Variants in ZBTB16 observed in about 807,000 individuals in gnomAD.
ZBTB16 encodes zinc finger and BTB domain-containing protein 16.
A neutral mutation model predicts 56.8 loss-of-function variants in ZBTB16; 8 were observed. The observed-to-expected ratio is 0.14, with a 90% confidence interval of 0.08 to 0.25. The LOEUF is 0.25. Among genes scored for constraint, ZBTB16 ranks in the 10% least tolerant of loss-of-function variants. The pLI is 1.00. For missense variants in ZBTB16, 625 were observed against 903.0 expected (o/e 0.69, Z 3.95); for synonymous variants, 363 against 368.5 (o/e 0.98, Z 0.17).
At chr11:114,168,354 C>T (rs913226210) in intron 3 of ZBTB16, among the ~76,000 whole-genome samples, 7 of 152,124 alleles carry the variant, frequency 4.6e-5, no homozygotes, top group South Asian at 2.1e-4. Flanking sequence ...ATCCTCACAG[C>T]GGGACACATA....
intron 4 of ZBTB16, among the ~76,000 whole-genome samples, chr11:114,214,847 C>T (rs1944064471): frequency 6.6e-6 from 1 of 152,004 alleles, no homozygotes; most frequent in Admixed American, 6.6e-5. Context: ...TTTGTTTTTT[C>T]TTGATTTTGA....
At chr11:114,202,564 G>T (rs746906826) in intron 4 of ZBTB16, among the ~76,000 whole-genome samples, 2 of 152,152 alleles carry the variant, frequency 1.3e-5, no homozygotes, top group Admixed American at 1.3e-4. Context: ...CAACTGTACC[G>T]TAAATAATGC....
intron 3 of ZBTB16, 49 bp downstream of exon 3, chr11:114,156,483 C>A (rs778683539): frequency 1.9e-6 from 3 of 1,567,990 alleles, no homozygotes; most frequent in Admixed American, 1.7e-5. Context: ...CAACCATCTC[C>A]TGCTTGCCTT....
Position 114,143,648 on chromosome 11 carries a change from A to G in ZBTB16, c.1269-12689A>G, listed in dbSNP as rs1250194128. Among the ~76,000 whole-genome samples, 1 of 152,114 alleles carries G rather than the reference A, an allele frequency of 6.6e-6. No homozygotes were observed. Among genetic ancestry groups the G allele is most frequent in the African/African-American group, 2.4e-5 (1 of 41,394 alleles). ...TCACTGATGTGTGTCAGTGTATTGT[A>G]AGAGTGGGGCCAACGTCCTTGTGCA... On this transcript the variant is annotated intron_variant, in intron 2 of 6. Transcript: ENST00000335953. The surrounding 1 kb of genome is among the most constrained non-coding windows in gnomAD (Gnocchi z 6.4).
intron 4 of ZBTB16, chr11:114,209,653 G>C: frequency 8.1e-6 from 8 of 985,398 alleles, no homozygotes; most frequent in Non-Finnish European, 9.6e-6. Context: ...CCCCAACCAG[G>C]GTTAAGGAAG....
chr11:114,080,678 G>C (rs547418353), intron 2 of ZBTB16, among the ~76,000 whole-genome samples: 1 of 152,350 alleles, frequency 6.6e-6, no homozygotes, highest in East Asian at 1.9e-4. Flanking sequence ...TAACTAGAGG[G>C]AAGTTATTTA....
intron 3 of ZBTB16, among the ~76,000 whole-genome samples, chr11:114,159,013 C>T (rs73002824): frequency 0.058 from 8,770 of 152,288 alleles, 363 homozygotes; most frequent in Admixed American, 0.13. Flanking sequence ...GCGGTGTGAC[C>T]CAGTGTGAGT....
At chr11:114,081,665 G>A (rs1410305159) in intron 2 of ZBTB16, among the ~76,000 whole-genome samples, 1 of 152,164 alleles carries the variant, frequency 6.6e-6, no homozygotes, top group Non-Finnish European at 1.5e-5. Context: ...GTGTAAGGGT[G>A]ATTTTGATAC....
Position 114,063,772 on chromosome 11 carries a change from A to G in ZBTB16, c.472A>G (p.Ile158Val). 1.2e-6 allele frequency: 2 copies of G among 1,614,086 alleles called. No homozygotes were observed. The highest frequency in any genetic ancestry group is 1.7e-6 in the Non-Finnish European group (2 of 1,180,032). ...GGCTCGGTACCTCAAGAACATCTTC[A>G]TCTCGAAGCATTCCAGCGAGGAGAG... ...RKARYLKNIF[I>V]SKHSSEESGY... The change falls in exon 2 of 7, where the codon ATC becomes GTC. Residue 158 changes from isoleucine (I) to valine (V), a missense_variant. This residue lies in a region of ZBTB16 where 384 missense variants were observed against 393.5 expected (regional missense o/e 0.98). Coordinates refer to ENST00000335953, the MANE Select transcript of ZBTB16 (RefSeq NM_006006.6). The surrounding 1 kb of genome is among the most constrained non-coding windows in gnomAD (Gnocchi z 6.5).
At position 114,251,646 on chromosome 11, in the gene ZBTB16, C is replaced by T. The variant is rs758307814; in HGVS notation, c.*1091C>T. ...CAAGGGAGAAAGTTGTTGAGTCACA[C>T]TGGGGACCCCAGATGTAGTGAGCTC... On this transcript the variant is annotated 3_prime_UTR_variant, in exon 7 of 7. Transcript: ENST00000335953. 7.2e-5 allele frequency among the ~76,000 whole-genome samples: 11 copies of T among 152,144 alleles called. No individual in the cohort carries two copies. The highest frequency in any genetic ancestry group is 3.9e-4 in the Admixed American group (6 of 15,278).
intron 4 of ZBTB16, among the ~76,000 whole-genome samples, chr11:114,199,322 G>A (rs1346419629): frequency 6.6e-6 from 1 of 151,842 alleles, no homozygotes; most frequent in Non-Finnish European, 1.5e-5. Flanking sequence ...CCCCGGGATG[G>A]GGATGCCGGA....
chr11:114,254,760 G>A lies in ZBTB16; in HGVS notation c.*4205G>A, dbSNP rs922575856. ...CCTCTGCCGGCTTGGCTGTAATGGT[G>A]GCACTTACCTGGATATTTCAGTGGG... On this transcript the variant is annotated 3_prime_UTR_variant, in exon 7 of 7. Transcript: ENST00000335953. Among the ~76,000 whole-genome samples the A allele has an allele frequency of 1.3e-5, 2 of 152,184 alleles. No homozygotes were observed. Among genetic ancestry groups the A allele is most frequent in the Non-Finnish European group, 2.9e-5 (2 of 68,042 alleles).
chr11:114,131,427 T>TA (rs1941657154), intron 2 of ZBTB16, among the ~76,000 whole-genome samples: 1 of 152,252 alleles, frequency 6.6e-6, no homozygotes, highest in Non-Finnish European at 1.5e-5. Flanking sequence ...TTTTTCTTTT[T>TA]AAGGGTCAGG....
intron 4 of ZBTB16, among the ~76,000 whole-genome samples, chr11:114,201,481 T>C (rs935829460): frequency 6.6e-6 from 1 of 152,202 alleles, no homozygotes; most frequent in Non-Finnish European, 1.5e-5. Flanking sequence ...GTGTGGCAAA[T>C]GCTCAGAAAC....
intron 4 of ZBTB16, among the ~76,000 whole-genome samples, chr11:114,238,248 C>T (rs1271271134): frequency 6.6e-6 from 1 of 152,214 alleles, no homozygotes; most frequent in Non-Finnish European, 1.5e-5. Context: ...GCTGTTGGTC[C>T]CCATGTGTGC....
rs1348121813 is a variant in ZBTB16, at chr11:114,232,774, C to T, written c.1454-9393C>T. ...CCGTGGTGCCAGGGCACATTTGTTC[C>T]GGGCCTGCGCACTGGCCAGGCCCCA... On this transcript the variant is annotated intron_variant, in intron 4 of 6. Transcript: ENST00000335953. 4.6e-5 allele frequency among the ~76,000 whole-genome samples: 7 copies of T among 151,890 alleles called. No homozygotes were observed. The South Asian group carries it at 8.3e-4, about 18-fold the overall frequency.
chr11:114,190,978 AG>A (rs1300374294), intron 4 of ZBTB16, among the ~76,000 whole-genome samples: 4 of 152,156 alleles, frequency 2.6e-5, no homozygotes, highest in African/African-American at 4.8e-5. Context: ...TGGAAGGCAA[AG>A]GGGGTGCAGG....
chr11:114,251,800 G>C lies in ZBTB16; in HGVS notation c.*1245G>C, dbSNP rs983232463. On this transcript the variant is annotated 3_prime_UTR_variant, in exon 7 of 7. Transcript: ENST00000335953. ...AGGAGCTGCAGGAGGAGGAGGATTT[G>C]AAAGCGCTTTGGCCTTGTGTTATGT... 3.3e-5 allele frequency among the ~76,000 whole-genome samples: 5 copies of C among 152,160 alleles called. No homozygotes were observed. The highest frequency in any genetic ancestry group is 1.3e-4 in the Admixed American group (2 of 15,280).
intron 2 of ZBTB16, among the ~76,000 whole-genome samples, chr11:114,068,657 C>T (rs1013124597): frequency 6.6e-6 from 1 of 152,138 alleles, no homozygotes; most frequent in African/African-American, 2.4e-5. Context: ...GCTTTGGGCC[C>T]CCAAATCTTC....
Sources: gnomAD v4.1 joint callset for allele counts (sites outside exome capture counted in the v4.1 genomes callset) on GRCh38, gnomAD v4.1.1 for gene constraint, gnomAD v4.1.1 regional missense constraint, Gnocchi (gnomAD v3.1) non-coding constraint, MANE v1.5 for transcripts, NCBI Gene and HGNC (gene_info 2026-07-23, HGNC 2026-07-21) for gene names.